Variants in SMCHD1 observed in about 807,000 individuals in gnomAD.
SMCHD1 encodes structural maintenance of chromosomes flexible hinge domain-containing protein 1.
Under a neutral mutation model 254.7 loss-of-function variants are expected in SMCHD1, and 78 were observed. The ratio of observed to expected loss-of-function variants is 0.31; its 90% CI spans 0.26 to 0.37. The LOEUF (loss-of-function observed/expected upper bound fraction) is 0.37, where lower values mean the gene tolerates loss of function less well. SMCHD1 is among the 10% of genes least tolerant of loss of function. SMCHD1 has a pLI of 1.00. For synonymous variants in SMCHD1, 766 were observed against 794.9 expected (o/e 0.96, Z 0.61); for missense variants, 1,840 against 2,408.1 (o/e 0.76, Z 4.94).
At chr18:2,689,941 T>G (rs1423539115) in intron 7 of SMCHD1, among the ~76,000 whole-genome samples, 1 of 151,068 alleles carries the variant, frequency 6.6e-6, no homozygotes, top group African/African-American at 2.4e-5. Context: ...GGAGGATCAC[T>G]TGAGCCCAGC....
At chr18:2,672,978 C>A in intron 3 of SMCHD1, 1 of 704,310 alleles carries the variant, frequency 1.4e-6, no homozygotes, top group Non-Finnish European at 1.7e-6. Context: ...TGGTTATGGT[C>A]TTCTGTTTGT....
chr18:2,690,118 T>C (rs963179714), intron 7 of SMCHD1, among the ~76,000 whole-genome samples: 1 of 152,160 alleles, frequency 6.6e-6, no homozygotes, highest in African/African-American at 2.4e-5. Context: ...CTAAGGAAGA[T>C]AAAAATACTC....
In SMCHD1 at chr18:2,751,264, G is replaced by A. The variant is rs200589679; in HGVS notation, c.4166-14G>A. 458 of 1,442,864 alleles carry A rather than the reference G, an allele frequency of 3.2e-4. 3 individuals are homozygous for A. In the East Asian group the frequency reaches 8.6e-3, roughly 27 times the overall value. 89.4% of individuals were successfully genotyped at this position (1,442,864 alleles called of 1,614,324 possible). A position where few individuals can be genotyped will look rare whatever the true frequency, so the allele number is the denominator to read the frequency against. ...AACTAGAAAGAGATAATTTTTTAAC[G>A]TTTACCATGACAGATTTTATGATTA... On this transcript the variant is annotated splice_polypyrimidine_tract_variant and intron_variant, in intron 32 of 47. Coordinates refer to ENST00000320876, the MANE Select transcript of SMCHD1 (RefSeq NM_015295.3).
intron 17 of SMCHD1, among the ~76,000 whole-genome samples, chr18:2,708,889 T>C (rs1372799774): frequency 1.4e-5 from 1 of 74,006 alleles, no homozygotes; most frequent in Non-Finnish European, 2.4e-5. Flanking sequence ...TATATATATA[T>C]ATATATATAT....
At chr18:2,695,585 C>T (rs548636132) in intron 8 of SMCHD1, among the ~76,000 whole-genome samples, 10 of 152,240 alleles carry the variant, frequency 6.6e-5, no homozygotes, top group East Asian at 5.8e-4. Context: ...ACTGGGATTA[C>T]AGGCGTGAGC....
Position 2,732,346 on chromosome 18 carries a change from G to T in SMCHD1, c.3130G>T (p.Val1044Leu). The change falls in exon 25 of 48, where the codon GTA (valine) becomes TTA (leucine). Residue 1044 changes from valine to leucine, a missense_variant. Around this residue, in one of 9 missense-constraint regions of SMCHD1, gnomAD observed 881 missense variants for 1,009.5 expected, o/e 0.87. Coordinates refer to ENST00000320876, the MANE Select transcript of SMCHD1 (RefSeq NM_015295.3). ...TGTTGCAAGACTACAAATATTCAGTGTAGAAGGACAAAAGGCAATTCAGAT... is the reference window on the plus strand; with the variant it reads ...TGTTGCAAGACTACAAATATTCAGTTTAGAAGGACAAAAGGCAATTCAGAT... ...SHVARLQIFS[V>L]EGQKAIQIKH... is the part of the protein sequence containing the mutation. 1.2e-6 allele frequency: 2 copies of T among 1,613,866 alleles called. No individual in the cohort carries two copies. The highest frequency in any genetic ancestry group is 1.7e-6 in the Non-Finnish European group (2 of 1,179,820).
chr18:2,783,668 A>T (rs956259505), intron 44 of SMCHD1, among the ~76,000 whole-genome samples: 7 of 151,286 alleles, frequency 4.6e-5, no homozygotes, highest in African/African-American at 1.7e-4. Context: ...CGCCTCCTGG[A>T]TTCAAGCGAT....
chr18:2,692,407 C>T (rs549764250), intron 7 of SMCHD1, among the ~76,000 whole-genome samples: 2 of 152,286 alleles, frequency 1.3e-5, no homozygotes, highest in South Asian at 4.1e-4. Flanking sequence ...CAAATATTAT[C>T]CGTAAACCTT....
At chr18:2,660,480 T>TTTG (rs1383901453) in intron 1 of SMCHD1, among the ~76,000 whole-genome samples, 3 of 149,686 alleles carry the variant, frequency 2.0e-5, no homozygotes, top group Non-Finnish European at 4.5e-5. Flanking sequence ...TGGTTTTTTT[T>TTTG]TTTTTTTTTT....
chr18:2,746,179 A>G (rs565815498), intron 29 of SMCHD1, among the ~76,000 whole-genome samples: 1 of 152,316 alleles, frequency 6.6e-6, no homozygotes, highest in African/African-American at 2.4e-5. Flanking sequence ...AAAAAATAAA[A>G]TAAAATACAA....
chr18:2,734,020 G>T (rs2075198507), intron 25 of SMCHD1, among the ~76,000 whole-genome samples: 1 of 152,150 alleles, frequency 6.6e-6, no homozygotes, highest in Non-Finnish European at 1.5e-5. Flanking sequence ...TACCCATCTT[G>T]TGTTTCCAAA....
chr18:2,695,323 T>C (rs1259222879), intron 8 of SMCHD1, among the ~76,000 whole-genome samples: 1 of 151,898 alleles, frequency 6.6e-6, no homozygotes, highest in Non-Finnish European at 1.5e-5. Flanking sequence ...TTTTTTTTTT[T>C]TTTGAGACGG....
chr18:2,736,152 A>G (rs1440240535), intron 25 of SMCHD1, among the ~76,000 whole-genome samples: 2 of 152,186 alleles, frequency 1.3e-5, no homozygotes, highest in East Asian at 1.9e-4. Context: ...ATAACAAGCA[A>G]TGGGAAAGGA....
chr18:2,758,392 T>C (rs1030615238), intron 34 of SMCHD1, among the ~76,000 whole-genome samples: 10 of 152,212 alleles, frequency 6.6e-5, no homozygotes. Flanking sequence ...AAGCAGTGCA[T>C]GGATCTTAGA....
In SMCHD1 at chr18:2,665,102, T is replaced by A. The variant is rs148960075; in HGVS notation, c.187-1055T>A. Among the ~76,000 whole-genome samples the A allele has an allele frequency of 4.0e-3, 602 of 152,328 alleles. 4 individuals are homozygous for A. Among genetic ancestry groups the A allele is most frequent in the Non-Finnish European group, 3.5e-3 (240 of 68,018 alleles). ...AGAAGCCTTTTCTCTTAACTATATA[T>A]TGCTGTATTGTTTCATTTTAGACAG... On this transcript the variant is annotated intron_variant, in intron 1 of 47. Transcript: ENST00000320876.
In SMCHD1 at chr18:2,747,561, A is replaced by T; in HGVS notation, c.3841A>T (p.Ile1281Phe). The change falls in exon 30 of 48, where the codon ATT becomes TTT. Residue 1281 changes from isoleucine (I) to phenylalanine (F), a missense_variant. Ile to Phe is a conservative substitution (Grantham distance 21). This residue lies in a region of SMCHD1 where 881 missense variants were observed against 1,009.5 expected (regional missense o/e 0.87). Coordinates refer to ENST00000320876, the MANE Select transcript of SMCHD1 (RefSeq NM_015295.3). ...VINGRDLQNP[I>F]IVQLCDQWDN... ...TAATGGAAGAGATTTACAGAACCCT[A>T]TTATTGTTCAACTTTGTGATCAGTG... 1.9e-6 allele frequency: 3 copies of T among 1,608,970 alleles called. No homozygotes were observed. Among genetic ancestry groups the T allele is most frequent in the Non-Finnish European group, 2.6e-6 (3 of 1,176,002 alleles).
chr18:2,771,669 A>G, intron 40 of SMCHD1, 51 bp downstream of exon 40: 1 of 1,345,736 alleles, frequency 7.4e-7, no homozygotes, highest in Non-Finnish European at 1.0e-6. Flanking sequence ...TCTATTCTAC[A>G]ATTTTCTCAA....
intron 42 of SMCHD1, 44 bp downstream of exon 42, chr18:2,775,968 CTGTTTTT>C (rs2076059285): frequency 6.9e-7 from 1 of 1,446,534 alleles, no homozygotes; most frequent in African/African-American, 1.5e-5. Flanking sequence ...AATATATTTT[CTGTTTTT>C]TATCAAAGCC....
chr18:2,699,372 C>T (rs573366712), intron 10 of SMCHD1, among the ~76,000 whole-genome samples: 22 of 152,092 alleles, frequency 1.4e-4, no homozygotes, highest in Non-Finnish European at 2.4e-4. Flanking sequence ...AAAAGTCTTG[C>T]GTTGCCACAC....
Sources: allele counts gnomAD v4.1 joint callset (sites outside exome capture counted in the v4.1 genomes callset), GRCh38; gene constraint gnomAD v4.1.1; regional missense constraint gnomAD v4.1.1; transcripts MANE v1.5; gene names NCBI Gene and HGNC (gene_info 2026-07-23, HGNC 2026-07-21).